Variants in RAB2A observed in about 807,000 individuals in gnomAD.
RAB2A encodes the protein RAB2A, member RAS oncogene family, also known as ras-related protein Rab-2A.
RAB2A carries 7 observed loss-of-function variants against 32.5 expected under a neutral mutation model. The observed-to-expected ratio is 0.22, with a 90% CI of 0.12 to 0.40. RAB2A has a LOEUF of 0.40. Among genes scored for constraint, RAB2A ranks in the 10% least tolerant of loss-of-function variants. The pLI, the probability that RAB2A is intolerant of heterozygous loss-of-function variation, is 1.00. For missense variants in RAB2A, 108 were observed against 260.7 expected (o/e 0.41, Z 4.03); for synonymous variants, 79 against 85.2 (o/e 0.93, Z 0.40).
intron 2 of RAB2A, among the ~76,000 whole-genome samples, chr8:60,567,543 C>G (rs897383652): frequency 6.6e-6 from 1 of 152,014 alleles, no homozygotes; most frequent in African/African-American, 2.4e-5. Context: ...TTTAGTGAGG[C>G]TTTTAAATTT....
intron 3 of RAB2A, among the ~76,000 whole-genome samples, chr8:60,579,546 T>C (rs1323087191): frequency 2.0e-5 from 3 of 152,242 alleles, no homozygotes; most frequent in Non-Finnish European, 4.4e-5. Context: ...TTTTGTATCC[T>C]GTTTGGTTTC....
At chr8:60,544,552 CT>C (rs35482452) in intron 1 of RAB2A, among the ~76,000 whole-genome samples, 278 of 114,158 alleles carry the variant, frequency 2.4e-3, no homozygotes, top group Admixed American at 3.5e-3. Context: ...TCCCTAGTGC[CT>C]TTTTTTTTTT....
chr8:60,575,706 G>A (rs1803602037), intron 3 of RAB2A, among the ~76,000 whole-genome samples: 1 of 130,958 alleles, frequency 7.6e-6, no homozygotes, highest in Non-Finnish European at 1.5e-5. Context: ...TGCCCAGGCT[G>A]TAGTGCAATG....
At chr8:60,577,663 G>T (rs1036317717) in intron 3 of RAB2A, among the ~76,000 whole-genome samples, 6 of 150,316 alleles carry the variant, frequency 4.0e-5, no homozygotes, top group Admixed American at 2.0e-4. Context: ...TCGCTCTGTC[G>T]CCCAGGCTGG....
intron 7 of RAB2A, among the ~76,000 whole-genome samples, chr8:60,620,017 A>G (rs1229756888): frequency 1.3e-5 from 2 of 152,278 alleles, no homozygotes; most frequent in Admixed American, 6.5e-5. Flanking sequence ...ACAACTGCCA[A>G]GCACTATAAA....
At chr8:60,552,598 T>A (rs1391607773) in intron 1 of RAB2A, 2 of 152,234 alleles carry the variant, frequency 1.3e-5, no homozygotes, top group African/African-American at 4.8e-5. Context: ...TTTAAAGCTC[T>A]AAATAATAAA....
chr8:60,576,351 G>A (rs1803629672), intron 3 of RAB2A: 3 of 439,234 alleles, frequency 6.8e-6, no homozygotes, highest in Non-Finnish European at 1.4e-5. Flanking sequence ...TTCTGCTCTT[G>A]TTCTTTTTCT....
intron 1 of RAB2A, among the ~76,000 whole-genome samples, chr8:60,531,844 C>T (rs369446357): frequency 2.0e-5 from 3 of 149,906 alleles, no homozygotes; most frequent in African/African-American, 7.4e-5. Flanking sequence ...CTCTTGTTGC[C>T]CAGGCTATAC....
chr8:60,520,345 T>TAAAAAA (rs544284855), intron 1 of RAB2A, among the ~76,000 whole-genome samples: 79 of 152,350 alleles, frequency 5.2e-4, no homozygotes, highest in African/African-American at 1.8e-3. Flanking sequence ...GTAAAATGTG[T>TAAAAAA]CATTTAAATC....
At chr8:60,551,813 C>T (rs1807851442) in intron 1 of RAB2A, 1 of 151,722 alleles carries the variant, frequency 6.6e-6, no homozygotes, top group Non-Finnish European at 1.5e-5. Context: ...CTGTCCTTAG[C>T]CTCTTGAGTA....
intron 1 of RAB2A, among the ~76,000 whole-genome samples, chr8:60,547,696 CG>C (rs1213388718): frequency 1.9e-5 from 2 of 103,492 alleles, no homozygotes; most frequent in South Asian, 3.5e-4. Context: ...GCTGGCCGGG[CG>C]GGGGGGCTGA....
At chr8:60,533,108 T>G (rs1168905931) in intron 1 of RAB2A, among the ~76,000 whole-genome samples, 1 of 152,228 alleles carries the variant, frequency 6.6e-6, no homozygotes, top group Non-Finnish European at 1.5e-5. Context: ...AAATACTAAA[T>G]GGAGGTCAGC....
intron 3 of RAB2A, among the ~76,000 whole-genome samples, chr8:60,581,973 G>T (rs1340620361): frequency 6.5e-4 from 97 of 148,940 alleles, no homozygotes; most frequent in Admixed American, 2.7e-4. Flanking sequence ...AAGACACAGG[G>T]CCTCATCTGT....
At chr8:60,607,870 T>G (rs948705471) in intron 6 of RAB2A, among the ~76,000 whole-genome samples, 2 of 152,190 alleles carry the variant, frequency 1.3e-5, no homozygotes, top group African/African-American at 4.8e-5. Flanking sequence ...ATATTCACCC[T>G]TTCCTTCTCT....
chr8:60,606,100 A>G (rs1042874107), intron 6 of RAB2A, among the ~76,000 whole-genome samples: 25 of 152,046 alleles, frequency 1.6e-4, no homozygotes, highest in Non-Finnish European at 7.4e-5. Flanking sequence ...AGTGAGCTCA[A>G]ATTGCACCAC....
At chr8:60,565,705 T>G (rs1791212968) in intron 2 of RAB2A, among the ~76,000 whole-genome samples, 1 of 42,996 alleles carries the variant, frequency 2.3e-5, no homozygotes, top group Non-Finnish European at 4.4e-5. Context: ...TTTTTTTTTT[T>G]TTTTTTTTTT....
intron 1 of RAB2A, among the ~76,000 whole-genome samples, chr8:60,554,911 T>C (rs1452602309): frequency 1.3e-5 from 2 of 152,026 alleles, no homozygotes; most frequent in Non-Finnish European, 2.9e-5. Flanking sequence ...ATTCGTCCTC[T>C]CAAATGAAAA....
rs557376893 is a variant in RAB2A, at chr8:60,593,580, A to G, written c.474+1611A>G. Reference sequence around the variant, plus strand: ...AGTAATGAAGTAGCACCCTACCACCACCATTTCCCTTGTTGGAGTGGAGTG... The same window carrying G: ...AGTAATGAAGTAGCACCCTACCACCGCCATTTCCCTTGTTGGAGTGGAGTG... On this transcript the variant is annotated intron_variant, in intron 6 of 7. Transcript: ENST00000262646. Among the ~76,000 whole-genome samples the G allele has an allele frequency of 4.9e-4, 74 of 152,262 alleles. 2 individuals carry two copies. In the South Asian group the frequency reaches 0.014, roughly 28 times the overall value.
chr8:60,541,195 CAG>C (rs1203139182), intron 1 of RAB2A, among the ~76,000 whole-genome samples: 1 of 152,088 alleles, frequency 6.6e-6, no homozygotes, highest in Non-Finnish European at 1.5e-5. Flanking sequence ...AATTTCAACA[CAG>C]GGCATGTTAC....
Sources: allele counts gnomAD v4.1 joint callset (sites outside exome capture counted in the v4.1 genomes callset), GRCh38; gene constraint gnomAD v4.1.1; transcripts MANE v1.5; gene names NCBI Gene and HGNC (gene_info 2026-07-23, HGNC 2026-07-21).